The following PPARGC1A variants were observed in gnomAD, a reference collection of about 807,000 sequenced individuals.
PPARGC1A encodes peroxisome proliferator-activated receptor gamma coactivator 1-alpha.
PPARGC1A carries 25 observed loss-of-function variants against 88.7 expected under a neutral mutation model. That is an observed-to-expected ratio of 0.28 (90% CI 0.21 to 0.39). The LOEUF is 0.39. Among genes scored for constraint, PPARGC1A ranks in the 10% least tolerant of loss-of-function variants. PPARGC1A has a pLI of 1.00. For synonymous variants in PPARGC1A, 363 were observed against 355.6 expected, an observed-to-expected ratio of 1.02 and a Z score of -0.24; for missense variants, 880 against 968.7, an observed-to-expected ratio of 0.91 and a Z score of 1.22.
chr4:24,192,332 GATA>G, the PPARGC1A span, among the ~76,000 whole-genome samples: 8 of 152,202 alleles, frequency 5.3e-5, no homozygotes, highest in Non-Finnish European at 1.2e-4. Flanking sequence ...TAATTGAGAT[GATA>G]ATAATACGAG....
the PPARGC1A span, among the ~76,000 whole-genome samples, chr4:24,184,466 T>C: frequency 1.3e-5 from 2 of 152,216 alleles, no homozygotes; most frequent in Non-Finnish European, 1.5e-5. Flanking sequence ...TACCTGGTAT[T>C]GTGGGAGGTG....
At chr4:23,958,866 A>T in the PPARGC1A span, among the ~76,000 whole-genome samples, 1 of 152,138 alleles carries the variant, frequency 6.6e-6, no homozygotes, top group Non-Finnish European at 1.5e-5. Flanking sequence ...ATAGAATACT[A>T]TTTGCCTTAG....
At chr4:23,985,342 G>A in the PPARGC1A span, among the ~76,000 whole-genome samples, 4 of 152,060 alleles carry the variant, frequency 2.6e-5, no homozygotes, top group African/African-American at 7.2e-5. Flanking sequence ...ATCTAACAGG[G>A]CGTGTATTCT....
At chr4:24,356,405 T>A in the PPARGC1A span, among the ~76,000 whole-genome samples, 2 of 152,196 alleles carry the variant, frequency 1.3e-5, no homozygotes, top group African/African-American at 4.8e-5. Flanking sequence ...TGCTAATTGT[T>A]GGTCTCTGTT....
chr4:24,086,171 C>G, the PPARGC1A span, among the ~76,000 whole-genome samples: 1 of 152,130 alleles, frequency 6.6e-6, no homozygotes, highest in Non-Finnish European at 1.5e-5. Flanking sequence ...TAGTTATTAT[C>G]CACCCCATCA....
At chr4:23,862,741 G>C (rs1489874601) in intron 2 of PPARGC1A, among the ~76,000 whole-genome samples, 8 of 152,310 alleles carry the variant, frequency 5.3e-5, no homozygotes, top group Admixed American at 5.2e-4. Context: ...TTGGCAAGAA[G>C]AAGCCTGGCG....
chr4:24,245,043 G>C, the PPARGC1A span, among the ~76,000 whole-genome samples: 21 of 152,186 alleles, frequency 1.4e-4, no homozygotes, highest in African/African-American at 5.1e-4. Flanking sequence ...AAGAGGAAGA[G>C]AGAAGGAGAA....
chr4:24,471,829 A>AC, the PPARGC1A span, among the ~76,000 whole-genome samples: 2,246 of 151,342 alleles, frequency 0.015, 21 homozygotes, highest in East Asian at 0.041. The surrounding 1 kb of genome is among the most constrained non-coding windows in gnomAD (Gnocchi z 5.4). Flanking sequence ...TCTGCACCCC[A>AC]CCCCCCCCAC....
At chr4:24,450,165 C>T in the PPARGC1A span, among the ~76,000 whole-genome samples, 1 of 152,298 alleles carries the variant, frequency 6.6e-6, no homozygotes, top group Admixed American at 6.5e-5. Context: ...TGGACATTAT[C>T]GTTCCCCAAA....
chr4:23,924,419 A>T, the PPARGC1A span, among the ~76,000 whole-genome samples: 1 of 152,156 alleles, frequency 6.6e-6, no homozygotes, highest in Non-Finnish European at 1.5e-5. Context: ...TGAGGTCAAG[A>T]GATCGAGACC....
At chr4:23,828,121 T>C (rs1169058533) in intron 5 of PPARGC1A, among the ~76,000 whole-genome samples, 1 of 152,218 alleles carries the variant, frequency 6.6e-6, no homozygotes, top group Admixed American at 6.5e-5. Flanking sequence ...CTGAGATTCA[T>C]ATAAACATCA....
chr4:24,156,358 A>G, the PPARGC1A span, among the ~76,000 whole-genome samples: 1 of 148,576 alleles, frequency 6.7e-6, no homozygotes, highest in Non-Finnish European at 1.5e-5. Context: ...CACCCTCCCC[A>G]CTTGCTATTT....
the PPARGC1A span, among the ~76,000 whole-genome samples, chr4:24,444,029 G>A: frequency 8.1e-5 from 12 of 148,924 alleles, no homozygotes; most frequent in South Asian, 1.5e-3. Context: ...TAATTTCGTC[G>A]TTGTTGTTGT....
the PPARGC1A span, among the ~76,000 whole-genome samples, chr4:24,415,366 C>T: frequency 0.019 from 2,860 of 152,158 alleles, 88 homozygotes; most frequent in African/African-American, 0.065. Flanking sequence ...ATGTCTATTA[C>T]CAATAGCCAC....
the PPARGC1A span, among the ~76,000 whole-genome samples, chr4:23,985,978 A>C: frequency 1.3e-5 from 2 of 152,122 alleles, no homozygotes; most frequent in South Asian, 4.1e-4. Context: ...TTGGACAATG[A>C]CCCTTCATCT....
chr4:24,425,457 G>T, the PPARGC1A span, among the ~76,000 whole-genome samples: 1 of 152,268 alleles, frequency 6.6e-6, no homozygotes, highest in Admixed American at 6.5e-5. Flanking sequence ...AATAGACAAA[G>T]ATATATGGTG....
chr4:23,873,519 G>T (rs147890012), intron 2 of PPARGC1A, among the ~76,000 whole-genome samples: 247 of 152,248 alleles, frequency 1.6e-3, no homozygotes, highest in Middle Eastern at 3.4e-3. Context: ...TGTGGAAACT[G>T]GTCTCTGAGT....
chr4:23,891,989 C>T (rs916570461), upstream of PPARGC1A, among the ~76,000 whole-genome samples: 1 of 152,112 alleles, frequency 6.6e-6, no homozygotes. Flanking sequence ...GTCACCTGGC[C>T]AAGAAGAGTC....
chr4:24,043,052 C>T, the PPARGC1A span, among the ~76,000 whole-genome samples: 1 of 152,130 alleles, frequency 6.6e-6, no homozygotes, highest in Non-Finnish European at 1.5e-5. Context: ...CAGGAAGCTA[C>T]CAATTTTGTA....
Sources: allele counts gnomAD v4.1 joint callset (sites outside exome capture counted in the v4.1 genomes callset), GRCh38; gene constraint gnomAD v4.1.1; non-coding constraint Gnocchi (gnomAD v3.1); transcripts MANE v1.5; gene names NCBI Gene and HGNC (gene_info 2026-07-23, HGNC 2026-07-21).